Variants in MEGF6 observed in about 807,000 individuals in gnomAD.
MEGF6 encodes the protein multiple EGF like domains 6, also known as multiple epidermal growth factor-like domains protein 6.
A neutral mutation model predicts 207.1 loss-of-function variants in MEGF6; 184 were observed. The ratio of observed to expected loss-of-function variants is 0.89; its 90% CI spans 0.79 to 1.00. The LOEUF (loss-of-function observed/expected upper bound fraction) is 1.00, where lower values mean the gene tolerates loss of function less well. Ranked by LOEUF, MEGF6 falls within the 50% of genes least tolerant of loss-of-function variation. MEGF6 has a pLI of 0.00. For synonymous variants in MEGF6, 1,038 were observed against 910.0 expected, an observed-to-expected ratio of 1.14 and a Z score of -2.53; for missense variants, 2,282 against 2,202.9, an observed-to-expected ratio of 1.04 and a Z score of -0.72.
intron 7 of MEGF6, 116 bp downstream of exon 7, chr1:3,514,434 C>A: frequency 2.2e-6 from 3 of 1,350,004 alleles, no homozygotes; most frequent in Non-Finnish European, 2.9e-6. Flanking sequence ...GGGGCAAGGC[C>A]AAAGGGCCTG....
intron 35 of MEGF6, 87 bp downstream of exon 35, chr1:3,492,552 G>A (rs1180511878): frequency 1.3e-6 from 2 of 1,567,080 alleles, no homozygotes; most frequent in East Asian, 2.3e-5. Flanking sequence ...CTCCGCAGTG[G>A]GTGAGAGAGG....
At chr1:3,503,070 C>G (rs915949527) in intron 17 of MEGF6, among the ~76,000 whole-genome samples, 3 of 152,200 alleles carry the variant, frequency 2.0e-5, no homozygotes, top group Admixed American at 6.5e-5. Flanking sequence ...GGCTGAGAGC[C>G]AGGATGTGCC....
chr1:3,490,673 C>G, intron 36 of MEGF6, 84 bp from the exon 37 acceptor site: 1 of 1,403,202 alleles, frequency 7.1e-7, no homozygotes, highest in East Asian at 2.5e-5. Flanking sequence ...GCACCTCTCC[C>G]TCCCACCCCT....
At position 3,545,739 on chromosome 1, in the gene MEGF6, G is replaced by A. The variant is rs148034228; in HGVS notation, c.482-21493C>T. 2.0e-3 allele frequency among the ~76,000 whole-genome samples: 305 copies of A among 152,314 alleles called. 7 individuals carry two copies. In the East Asian group the frequency reaches 0.048, roughly 24 times the overall value. On this transcript the variant is annotated intron_variant, in intron 4 of 36. Coordinates refer to ENST00000356575, the MANE Select transcript of MEGF6 (RefSeq NM_001409.4). ...GGAGCTGGCGGGGACTGTGCCACAG[G>A]TGGAGCCATCCTCCCTCCTCACTGA...
intron 9 of MEGF6, among the ~76,000 whole-genome samples, chr1:3,511,207 G>A (rs901139051): frequency 1.4e-4 from 21 of 152,368 alleles, no homozygotes; most frequent in South Asian, 4.1e-4. Context: ...GGGCTAGAGG[G>A]TGGGGACTCC....
At chr1:3,588,393 T>G (rs1403374495) in intron 3 of MEGF6, among the ~76,000 whole-genome samples, 34 of 4,686 alleles carry the variant, frequency 7.3e-3, no homozygotes, top group African/African-American at 0.01. Flanking sequence ...GGGGCAGGAG[T>G]GGCCAGGAGG....
At chr1:3,595,553 C>T (rs540626616) in intron 2 of MEGF6, 106 bp from the exon 3 acceptor site, 34 of 942,624 alleles carry the variant, frequency 3.6e-5, no homozygotes, top group South Asian at 2.2e-4. Context: ...GGGTTCCCGG[C>T]GGCACAGGCT....
intron 4 of MEGF6, among the ~76,000 whole-genome samples, chr1:3,579,562 T>C (rs1224155132): frequency 6.6e-6 from 1 of 152,218 alleles, no homozygotes; most frequent in Non-Finnish European, 1.5e-5. Flanking sequence ...ACAGCAGGGC[T>C]GGACGCAGTG....
intron 4 of MEGF6, among the ~76,000 whole-genome samples, chr1:3,544,832 G>A (rs929189997): frequency 7.2e-4 from 110 of 152,352 alleles, no homozygotes; most frequent in Non-Finnish European, 5.7e-4. Flanking sequence ...TTGGGCCGGG[G>A]AACAGCGGGG....
intron 4 of MEGF6, among the ~76,000 whole-genome samples, chr1:3,535,194 C>T (rs896505583): frequency 6.6e-6 from 1 of 152,116 alleles, no homozygotes; most frequent in Non-Finnish European, 1.5e-5. Flanking sequence ...CGACGGTGCC[C>T]GTGGGATCCA....
chr1:3,510,660 C>A, intron 10 of MEGF6, 123 bp downstream of exon 10: 1 of 1,360,362 alleles, frequency 7.4e-7, no homozygotes. Context: ...AGCCCCAAAG[C>A]AAAGCACAGA....
Position 3,501,825 on chromosome 1 carries a change from G to A in MEGF6, c.2285C>T (p.Pro762Leu), listed in dbSNP as rs762307115. Residue 762 changes from proline (P) to leucine (L), a missense_variant, in exon 18 of 37, where the codon CCG becomes CTG. By Grantham distance (98) the Pro-to-Leu change is moderately conservative. Transcript: ENST00000356575. ...HGVTGQCRCP[P>L]GRTGEDCEAD... ...CTCACAGTCTTCCCCAGTCCTCCCC[G>A]GCGGACACCGGCACTGCCCCGTGAC... The A allele has an allele frequency of 2.4e-5, 38 of 1,608,684 alleles. No homozygotes were observed. Among genetic ancestry groups the A allele is most frequent in the South Asian group, 5.5e-5 (5 of 90,698 alleles).
intron 2 of MEGF6, among the ~76,000 whole-genome samples, chr1:3,598,387 T>C (rs1477173615): frequency 6.6e-6 from 1 of 152,184 alleles, no homozygotes; most frequent in African/African-American, 2.4e-5. Flanking sequence ...TGGGAGCGCC[T>C]TGCAAACCCC....
chr1:3,572,824 T>A (rs1643544086), intron 4 of MEGF6, among the ~76,000 whole-genome samples: 1 of 137,284 alleles, frequency 7.3e-6, no homozygotes, highest in African/African-American at 2.8e-5. Flanking sequence ...GTGTGCTGGG[T>A]TCTCCTGGGT....
At chr1:3,506,499 C>T (rs1196304721) in intron 14 of MEGF6, among the ~76,000 whole-genome samples, 2 of 152,186 alleles carry the variant, frequency 1.3e-5, no homozygotes, top group African/African-American at 2.4e-5. Context: ...ACAAAGCTCA[C>T]GCCCCACTCT....
At chr1:3,618,244 G>A in the MEGF6 span, among the ~76,000 whole-genome samples, 121,209 of 151,836 alleles carry the variant, frequency 0.8, 48,560 homozygotes, top group East Asian at 0.98. This position sits in a 1 kb window ranked among gnomAD's most constrained non-coding sequence, Gnocchi z 4.7. Flanking sequence ...TGCCTGCCAC[G>A]CTGACCAGAA....
At chr1:3,620,270 CCTGA>C in the MEGF6 span, among the ~76,000 whole-genome samples, 6 of 152,372 alleles carry the variant, frequency 3.9e-5, no homozygotes, top group South Asian at 2.1e-4. Context: ...AAATTTGCAG[CCTGA>C]CTATGTGGTA....
At chr1:3,513,415 G>A (rs1479469982) in intron 7 of MEGF6, among the ~76,000 whole-genome samples, 1 of 150,032 alleles carries the variant, frequency 6.7e-6, no homozygotes, top group African/African-American at 2.5e-5. Flanking sequence ...GGGACCACAG[G>A]TGTGCACCAT....
chr1:3,493,677 C>A (rs1373197408), intron 34 of MEGF6, 94 bp downstream of exon 34: 3 of 1,510,514 alleles, frequency 2.0e-6, no homozygotes, highest in Non-Finnish European at 1.8e-6. Context: ...TGGTGGCCAG[C>A]CCAGGACTGG....
Sources: allele counts gnomAD v4.1 joint callset (sites outside exome capture counted in the v4.1 genomes callset), GRCh38; gene constraint gnomAD v4.1.1; non-coding constraint Gnocchi (gnomAD v3.1); transcripts MANE v1.5; gene names NCBI Gene and HGNC (gene_info 2026-07-23, HGNC 2026-07-21).